PPP3R1: variants seen among roughly 807,000 people sequenced by gnomAD.
PPP3R1 encodes the protein calcineurin subunit B type 1.
In PPP3R1, 5 loss-of-function variants were observed where a neutral mutation model predicts 22.6. The ratio of observed to expected loss-of-function variants is 0.22; its 90% CI spans 0.12 to 0.46. The LOEUF is 0.46. Ranked by LOEUF, PPP3R1 falls within the 20% of genes least tolerant of loss-of-function variation. The pLI, the probability that PPP3R1 is intolerant of heterozygous loss-of-function variation, is 0.99. For synonymous variants in PPP3R1, 56 were observed against 65.2 expected (o/e 0.86, Z 0.68); for missense variants, 61 against 203.2 (o/e 0.30, Z 4.25).
intron 5 of PPP3R1, among the ~76,000 whole-genome samples, chr2:68,183,825 C>T (rs1362005761): frequency 6.6e-6 from 1 of 152,118 alleles, no homozygotes; most frequent in African/African-American, 2.4e-5. Flanking sequence ...GGCTTTGCTT[C>T]TGTAGAAAGG....
chr2:68,213,008 C>T (rs1669514901), intron 2 of PPP3R1, among the ~76,000 whole-genome samples: 1 of 152,232 alleles, frequency 6.6e-6, no homozygotes, highest in South Asian at 2.1e-4. Context: ...CTCTCTCAGC[C>T]TTCAGAGAAT....
intron 2 of PPP3R1, among the ~76,000 whole-genome samples, chr2:68,204,689 T>C (rs13426839): frequency 0.023 from 3,536 of 152,312 alleles, 118 homozygotes; most frequent in African/African-American, 0.081. Flanking sequence ...TCCTGGGACA[T>C]GGTAAGCACC....
chr2:68,247,949 T>C (rs1670267766), intron 1 of PPP3R1, among the ~76,000 whole-genome samples: 1 of 152,200 alleles, frequency 6.6e-6, no homozygotes, highest in Non-Finnish European at 1.5e-5. Flanking sequence ...GCCATCAGAA[T>C]GGTCTCTTTA....
At chr2:68,246,177 T>G (rs1159176236) in intron 1 of PPP3R1, among the ~76,000 whole-genome samples, 1 of 146,712 alleles carries the variant, frequency 6.8e-6, no homozygotes, top group Non-Finnish European at 1.5e-5. Context: ...CGGGTTCAAG[T>G]GATTCTCCTG....
chr2:68,241,218 T>C (rs1249054234), intron 1 of PPP3R1, among the ~76,000 whole-genome samples: 1 of 152,036 alleles, frequency 6.6e-6, no homozygotes, highest in East Asian at 1.9e-4. Context: ...TCCTCCTGTA[T>C]ACTTTAAATC....
chr2:68,210,875 T>C (rs1466876799), intron 2 of PPP3R1, among the ~76,000 whole-genome samples: 2 of 152,188 alleles, frequency 1.3e-5, no homozygotes, highest in South Asian at 2.1e-4. Flanking sequence ...TTGGAGCATT[T>C]TGGATTTCAA....
chr2:68,198,240 CAT>C (rs201528945), intron 2 of PPP3R1, among the ~76,000 whole-genome samples: 54,330 of 137,428 alleles, frequency 0.4, 11,012 homozygotes, highest in South Asian at 0.61. Context: ...TATGTATACA[CAT>C]ATGTACATAC....
intron 2 of PPP3R1, among the ~76,000 whole-genome samples, chr2:68,206,821 C>G (rs987306815): frequency 6.6e-6 from 1 of 152,132 alleles, no homozygotes; most frequent in African/African-American, 2.4e-5. Context: ...TATGTTACAG[C>G]ATATAATTTA....
At chr2:68,189,397 T>C (rs6760646) in intron 2 of PPP3R1, among the ~76,000 whole-genome samples, 38,187 of 152,092 alleles carry the variant, frequency 0.25, 5,086 homozygotes, top group African/African-American at 0.32. Flanking sequence ...TTACATTAGT[T>C]TGTAAGTAAT....
In PPP3R1 at chr2:68,179,614, T is replaced by C. The variant is rs1427138481; in HGVS notation, c.*1349A>G. The C allele has an allele frequency of 1.3e-5, 2 of 152,198 alleles. No individual in the cohort carries two copies. The highest frequency in any genetic ancestry group is 4.8e-5 in the African/African-American group (2 of 41,444). The allele number at this position is 152,198 out of a possible 1,614,324, so 9.4% of individuals were successfully genotyped here. A position where few individuals can be genotyped will look rare whatever the true frequency, so the allele number is the denominator to read the frequency against. On this transcript the variant is annotated 3_prime_UTR_variant, in exon 6 of 6. Transcript: ENST00000234310. Reference sequence around the variant, plus strand: ...GTCATACAAAGCTAACCAAAATGTTTTTCTTCCAGCTAACAGTACCTTTGC... The same window carrying C: ...GTCATACAAAGCTAACCAAAATGTTCTTCTTCCAGCTAACAGTACCTTTGC...
At chr2:68,204,640 A>C (rs1438082677) in intron 2 of PPP3R1, among the ~76,000 whole-genome samples, 1 of 152,194 alleles carries the variant, frequency 6.6e-6, no homozygotes, top group African/African-American at 2.4e-5. Flanking sequence ...CTAATATGAG[A>C]ATTAAAAGAA....
At chr2:68,224,766 C>A (rs1365329335) in intron 1 of PPP3R1, among the ~76,000 whole-genome samples, 1 of 151,334 alleles carries the variant, frequency 6.6e-6, no homozygotes, top group Non-Finnish European at 1.5e-5. Flanking sequence ...CACACACACA[C>A]AATTTTCAAG....
intron 2 of PPP3R1, among the ~76,000 whole-genome samples, chr2:68,197,536 T>A (rs1674812501): frequency 6.6e-6 from 1 of 152,190 alleles, no homozygotes; most frequent in Non-Finnish European, 1.5e-5. Flanking sequence ...TTTCAGAAAC[T>A]GTCAGTTTTC....
intron 2 of PPP3R1, among the ~76,000 whole-genome samples, chr2:68,208,139 G>C (rs987258473): frequency 6.6e-6 from 1 of 152,066 alleles, no homozygotes; most frequent in Non-Finnish European, 1.5e-5. Context: ...GGCAACAAGA[G>C]CAAAACTGCT....
chr2:68,229,828 TTTAA>T (rs1490967377), intron 1 of PPP3R1, among the ~76,000 whole-genome samples: 3 of 152,154 alleles, frequency 2.0e-5, no homozygotes, highest in South Asian at 2.1e-4. Context: ...GGGTAATGTC[TTTAA>T]TTGATTCTGC....
In PPP3R1 at chr2:68,180,023, A is replaced by T. The variant is rs1406219911; in HGVS notation, c.*940T>A. On this transcript the variant is annotated 3_prime_UTR_variant, in exon 6 of 6. Transcript: ENST00000234310. ...ATCAAACAAATGGATATCCCTTATAAGTAGTTACATGATCACTTCAGGTAT... is the reference window on the plus strand; with the variant it reads ...ATCAAACAAATGGATATCCCTTATATGTAGTTACATGATCACTTCAGGTAT... The T allele has an allele frequency of 6.6e-6, 1 of 152,256 alleles. No homozygotes were observed. The highest frequency in any genetic ancestry group is 1.5e-5 in the Non-Finnish European group (1 of 68,044). The allele number at this position is 152,256 out of a possible 1,614,324, so 9.4% of individuals were successfully genotyped here.
At position 68,196,686 on chromosome 2, in the gene PPP3R1, C is replaced by G. The variant is rs527966302; in HGVS notation, c.44-7996G>C. ...TGCAATTGTCAAATATGCAAAAACTCGGTATCACCACCAACAAAAGAAGTA... is the reference window on the plus strand; with the variant it reads ...TGCAATTGTCAAATATGCAAAAACTGGGTATCACCACCAACAAAAGAAGTA... On this transcript the variant is annotated intron_variant, in intron 2 of 5. Coordinates refer to ENST00000234310, the MANE Select transcript of PPP3R1 (RefSeq NM_000945.4). Among the ~76,000 whole-genome samples, 4 of 152,048 alleles carry G rather than the reference C, an allele frequency of 2.6e-5. No individual in the cohort carries two copies. In the East Asian group the frequency reaches 7.7e-4, roughly 29 times the overall value.
Position 68,179,343 on chromosome 2 carries a change from A to C in PPP3R1, c.*1620T>G, listed in dbSNP as rs1381049682. 6.6e-6 allele frequency: 1 copy of C among 152,252 alleles called. No homozygotes were observed. The highest frequency in any genetic ancestry group is 1.5e-5 in the Non-Finnish European group (1 of 68,040). 9.4% of individuals were successfully genotyped at this position (152,252 alleles called of 1,614,324 possible). ...GCAACATTATCTTTTAAAATTATGC[A>C]AATTATGTAAACAAGAGGTACATTT... is the stretch of plus-strand genomic sequence containing the variant. On this transcript the variant is annotated 3_prime_UTR_variant, in exon 6 of 6. Coordinates refer to ENST00000234310, the MANE Select transcript of PPP3R1 (RefSeq NM_000945.4).
chr2:68,198,091 C>CAAAAAAAAAAAAAAAAAAAA (rs1674835356), intron 2 of PPP3R1, among the ~76,000 whole-genome samples: 2 of 49,848 alleles, frequency 4.0e-5, no homozygotes, highest in African/African-American at 1.6e-4. Flanking sequence ...AAAAAAAAAG[C>CAAAAAAAAAAAAAAAAAAAA]ATATATATGT....
Sources: gnomAD v4.1 joint callset for allele counts (sites outside exome capture counted in the v4.1 genomes callset) on GRCh38, gnomAD v4.1.1 for gene constraint, MANE v1.5 for transcripts, NCBI Gene and HGNC (gene_info 2026-07-23, HGNC 2026-07-21) for gene names.